Variants in C12orf50 observed in about 807,000 individuals in gnomAD.
C12orf50 encodes zinc finger CCCH-type containing 11D.
A neutral mutation model predicts 61.6 loss-of-function variants in C12orf50; 35 were observed. That is an observed-to-expected ratio of 0.57 (90% CI 0.43 to 0.75). C12orf50 has a LOEUF of 0.75. C12orf50 is among the 30% of genes least tolerant of loss of function. C12orf50 has a pLI of 0.00. For missense variants in C12orf50, 475 were observed against 488.5 expected (o/e 0.97, Z 0.26); for synonymous variants, 178 against 161.5 (o/e 1.10, Z -0.77).
intron 7 of C12orf50, among the ~76,000 whole-genome samples, chr12:87,993,342 G>T (rs972185614): frequency 6.6e-6 from 1 of 152,120 alleles, no homozygotes; most frequent in Non-Finnish European, 1.5e-5. Context: ...CAAACTGTTC[G>T]ATTAGAACTG....
chr12:87,987,894 G>T lies in C12orf50; in HGVS notation c.773C>A (p.Ala258Asp). The change falls in exon 9 of 13, where the codon GCT becomes GAT. Residue 258 changes from alanine (A) to aspartate (D), a missense_variant. By Grantham distance (126) the Ala-to-Asp change is moderately radical. Coordinates refer to ENST00000298699, the MANE Select transcript of C12orf50 (RefSeq NM_152589.3). ...RLVPTTHVLN[A>D]TENISMKCRE... ...GCACTTCATACTGATATTCTCAGTA[G>T]CATTTAATACATGCGTTGTAGGTAC... 6.2e-7 allele frequency: 1 copy of T among 1,611,300 alleles called. No individual in the cohort carries two copies. Among genetic ancestry groups the T allele is most frequent in the Non-Finnish European group, 8.5e-7 (1 of 1,178,216 alleles).
intron 10 of C12orf50, 28 bp downstream of exon 10, chr12:87,986,284 A>G: frequency 6.9e-7 from 1 of 1,453,734 alleles, no homozygotes; most frequent in East Asian, 2.3e-5. Context: ...ATTACAATTT[A>G]GAAATATCAA....
At chr12:87,986,116 A>G in intron 10 of C12orf50, 63 bp from the exon 11 acceptor site, 1 of 1,517,636 alleles carries the variant, frequency 6.6e-7, no homozygotes, top group East Asian at 2.3e-5. Flanking sequence ...CATAAATAAC[A>G]TATTGCACTG....
chr12:88,013,110 A>AT (rs538585231), intron 3 of C12orf50, among the ~76,000 whole-genome samples: 33 of 152,060 alleles, frequency 2.2e-4, no homozygotes, highest in African/African-American at 6.5e-4. Flanking sequence ...AAATCCTGGG[A>AT]TTTTTTTTAA....
intron 7 of C12orf50, among the ~76,000 whole-genome samples, chr12:87,992,173 C>G (rs1382372273): frequency 6.6e-6 from 1 of 152,144 alleles, no homozygotes; most frequent in Non-Finnish European, 1.5e-5. Context: ...GACTTCTGAA[C>G]TTTGTTTTCT....
chr12:88,027,065 G>C lies in C12orf50; in HGVS notation c.-103C>G, dbSNP rs773195532. 1 of 1,607,030 alleles carries C rather than the reference G, an allele frequency of 6.2e-7. No individual in the cohort carries two copies. The highest frequency in any genetic ancestry group is 8.5e-7 in the Non-Finnish European group (1 of 1,178,096). Reference sequence around the variant, plus strand: ...CTTCACAGTGTCGGAATCGGCACTGGGAACCCTAAAAGAAAAAGTAAACAG... The same window carrying C: ...CTTCACAGTGTCGGAATCGGCACTGCGAACCCTAAAAGAAAAAGTAAACAG... On this transcript the variant is annotated 5_prime_UTR_variant, in exon 2 of 13. Transcript: ENST00000298699.
chr12:87,982,593 T>C (rs1176022312), intron 12 of C12orf50, among the ~76,000 whole-genome samples: 3 of 152,112 alleles, frequency 2.0e-5, no homozygotes, highest in Admixed American at 6.6e-5. Flanking sequence ...ACCTCTACCC[T>C]GAGGAGGTTC....
rs376293132 is a variant in C12orf50, at chr12:87,994,660, T to C, written c.565A>G (p.Thr189Ala). 122 of 1,612,644 alleles carry C rather than the reference T, an allele frequency of 7.6e-5. No individual in the cohort carries two copies. The South Asian group carries it at 1.0e-3, about 13-fold the overall frequency. Residue 189 changes from threonine to alanine, a missense_variant, in exon 7 of 13, where the codon ACT (threonine) becomes GCT (alanine). By Grantham distance (58) the Thr-to-Ala change is moderately conservative. Coordinates refer to ENST00000298699, the MANE Select transcript of C12orf50 (RefSeq NM_152589.3). The part of the protein sequence containing the change: ...IKTSLHGKPK[T>A]DIAAFENGGG... Reference sequence around the variant, plus strand: ...CCATTTTCAAAAGCAGCAATGTCAGTCTTTGGTTTCCCATGCAATGATGTT... The same window carrying C: ...CCATTTTCAAAAGCAGCAATGTCAGCCTTTGGTTTCCCATGCAATGATGTT...
intron 11 of C12orf50, chr12:87,984,899 AGAT>A (rs990663086): frequency 2.5e-4 from 38 of 152,288 alleles, no homozygotes; most frequent in African/African-American, 8.9e-4. Context: ...TCAGTAAATA[AGAT>A]AATAGTAATA....
intron 1 of C12orf50, among the ~76,000 whole-genome samples, chr12:88,028,385 A>G (rs2136512636): frequency 6.6e-6 from 1 of 152,268 alleles, no homozygotes; most frequent in South Asian, 2.1e-4. Flanking sequence ...CATCTTTTTC[A>G]CTGGATTATT....
chr12:88,020,016 G>A (rs1182798373), intron 3 of C12orf50, among the ~76,000 whole-genome samples: 1 of 152,176 alleles, frequency 6.6e-6, no homozygotes. Context: ...CACCAGACAT[G>A]CCTTACAAGA....
Position 87,985,846 on chromosome 12 carries a change from TC to T in C12orf50, c.1126+3del. The T allele has an allele frequency of 6.2e-7, 1 of 1,612,158 alleles. No homozygotes were observed. The highest frequency in any genetic ancestry group is 8.5e-7 in the Non-Finnish European group (1 of 1,179,648). On this transcript the variant is annotated splice_donor_region_variant and intron_variant, in intron 11 of 12. Coordinates refer to ENST00000298699, the MANE Select transcript of C12orf50 (RefSeq NM_152589.3). ...GAGTAAACCACATCAACAAAGGACC[TC>T]ACCTGGACTGAGGTTGGGTTTGGGT...
chr12:87,987,662 C>G (rs534741603), intron 9 of C12orf50, among the ~76,000 whole-genome samples, 188 bp downstream of exon 9: 4 of 152,264 alleles, frequency 2.6e-5, no homozygotes, highest in African/African-American at 9.6e-5. Flanking sequence ...ATATAATTTA[C>G]TAGGACCTAC....
At chr12:88,022,037 C>CA (rs869159181) in intron 3 of C12orf50, among the ~76,000 whole-genome samples, 177 of 137,994 alleles carry the variant, frequency 1.3e-3, no homozygotes, top group Middle Eastern at 7.4e-3. Flanking sequence ...GAAAGAAAAC[C>CA]AAAAAAAAAA....
intron 7 of C12orf50, among the ~76,000 whole-genome samples, chr12:87,990,176 A>C (rs1288577687): frequency 6.6e-6 from 1 of 152,198 alleles, no homozygotes; most frequent in Non-Finnish European, 1.5e-5. Flanking sequence ...ACCTAAATGT[A>C]AGAATGTATG....
At chr12:88,029,201 C>G in intron 1 of C12orf50, 139 bp downstream of exon 1, 2 of 867,582 alleles carry the variant, frequency 2.3e-6, no homozygotes, top group Non-Finnish European at 3.2e-6. Context: ...AATACAAGAA[C>G]TATCAGTGTG....
At chr12:88,020,667 A>C (rs1003232440) in intron 3 of C12orf50, among the ~76,000 whole-genome samples, 1 of 152,166 alleles carries the variant, frequency 6.6e-6, no homozygotes, top group Non-Finnish European at 1.5e-5. Context: ...ACCTAAACTC[A>C]AAACTTGACC....
intron 3 of C12orf50, among the ~76,000 whole-genome samples, chr12:88,008,613 T>A (rs2031982193): frequency 6.6e-6 from 1 of 152,124 alleles, no homozygotes; most frequent in African/African-American, 2.4e-5. Flanking sequence ...ATTGTTTGCT[T>A]AAGCATTTTT....
chr12:88,015,161 T>G (rs1175400294), intron 3 of C12orf50, among the ~76,000 whole-genome samples: 1 of 152,184 alleles, frequency 6.6e-6, no homozygotes, highest in Non-Finnish European at 1.5e-5. Context: ...AGGAAAGAAC[T>G]AAGCTGAAGA....
Sources: gnomAD v4.1 joint callset for allele counts (sites outside exome capture counted in the v4.1 genomes callset) on GRCh38, gnomAD v4.1.1 for gene constraint, MANE v1.5 for transcripts, NCBI Gene and HGNC (gene_info 2026-07-23, HGNC 2026-07-21) for gene names.